PCDHB12: variants seen among roughly 807,000 people sequenced by gnomAD.
The protein encoded by PCDHB12 is protocadherin beta 12, also known as protocadherin beta-12.
For synonymous variants in PCDHB12, 560 were observed against 445.2 expected (o/e 1.26, Z -3.24); for missense variants, 1,192 against 998.2 (o/e 1.19, Z -2.62).
rs782293933 is a variant in PCDHB12, at chr5:141,210,191, C to A, written c.1284C>A (p.Thr428=). The A allele has an allele frequency of 6.1e-5, 98 of 1,614,018 alleles. No homozygotes were observed. Among genetic ancestry groups the A allele is most frequent in the South Asian group, 2.9e-4 (26 of 91,086 alleles). ...NITITVTDLG[T]PRLKTEHNIT... ...CCATCACCGTCACCGACTTGGGGAC[C>A]CCCAGGCTAAAAACCGAGCACAACA... The change falls in exon 1 of 1, where the codon ACC becomes ACA. Residue 428 remains threonine, a synonymous_variant. Transcript: ENST00000239450.
In PCDHB12 at chr5:141,210,038, C is replaced by T. The variant is rs370806858; in HGVS notation, c.1131C>T (p.Asp377=). Residue 377 remains aspartate (D), a synonymous_variant, in exon 1 of 1, where the codon GAC becomes GAT. Coordinates refer to ENST00000239450, the MANE Select transcript of PCDHB12 (RefSeq NM_018932.4). Reference sequence around the variant, plus strand: ...GGATACGAGACAGAGACTCTGGGGACAACGGAAAGATGGTTTGTTCTATCC... The same window carrying T: ...GGATACGAGACAGAGACTCTGGGGATAACGGAAAGATGGTTTGTTCTATCC... ...VFRIRDRDSG[D]NGKMVCSIPE... 6.9e-5 allele frequency: 111 copies of T among 1,614,060 alleles called. No individual in the cohort carries two copies. The highest frequency in any genetic ancestry group is 8.9e-5 in the Non-Finnish European group (105 of 1,180,044).
In PCDHB12 at chr5:141,210,360, C is replaced by G. The variant is rs1754416295; in HGVS notation, c.1453C>G (p.Gln485Glu). Residue 485 changes from glutamine (Q) to glutamate (E), a missense_variant, in exon 1 of 1, where the codon CAG becomes GAG. Physicochemically the swap from Gln to Glu is conservative, Grantham distance 29 (BLOSUM62 2). Coordinates refer to ENST00000239450, the MANE Select transcript of PCDHB12 (RefSeq NM_018932.4). Reference protein sequence around the residue: ...ATDRDSGTNAQVNYSLLPSQD... With the variant: ...ATDRDSGTNAEVNYSLLPSQD... ...AGACAGAGACTCGGGCACCAACGCC[C>G]AGGTCAACTACTCGCTGCTGCCGTC... 1.9e-6 allele frequency: 3 copies of G among 1,613,066 alleles called. No individual in the cohort carries two copies. The highest frequency in any genetic ancestry group is 1.7e-6 in the Non-Finnish European group (2 of 1,180,050).
At position 141,210,179 on chromosome 5, in the gene PCDHB12, C is replaced by A. The variant is rs148640772; in HGVS notation, c.1272C>A (p.Thr424=). 6.8e-5 allele frequency: 109 copies of A among 1,614,172 alleles called. No homozygotes were observed. The Admixed American group carries it at 1.8e-3, about 26-fold the overall frequency. The stretch of plus-strand genomic sequence containing the variant: ...AGTACAACATCACCATCACCGTCAC[C>A]GACTTGGGGACCCCCAGGCTAAAAA... The part of the protein sequence containing the change: ...RAEYNITITV[T]DLGTPRLKTE... Residue 424 remains threonine, a synonymous_variant, in exon 1 of 1, where the codon ACC becomes ACA. Transcript: ENST00000239450.
chr5:141,210,234 G>A lies in PCDHB12; in HGVS notation c.1327G>A (p.Asp443Asn), dbSNP rs782254141. 6.2e-7 allele frequency: 1 copy of A among 1,614,120 alleles called. No homozygotes were observed. The highest frequency in any genetic ancestry group is 2.2e-5 in the East Asian group (1 of 44,880). Residue 443 changes from aspartate (D) to asparagine (N), a missense_variant, in exon 1 of 1, where the codon GAC becomes AAC. By Grantham distance (23) the Asp-to-Asn change is conservative. Transcript: ENST00000239450. ...TEHNITVLVS[D>N]VNDNAPAFTQ... Reference sequence around the variant, plus strand: ...GCACAACATAACCGTGCTGGTCTCCGACGTCAATGACAACGCCCCCGCCTT... The same window carrying A: ...GCACAACATAACCGTGCTGGTCTCCAACGTCAATGACAACGCCCCCGCCTT...
Position 141,208,896 on chromosome 5 carries a change from G to A in PCDHB12, c.-12G>A, listed in dbSNP as rs782476854. ...TTCTGCAAGAAGATTTTGGGGTTTT[G>A]GAAAAGAAGCTATGGAAAACGGAGG... On this transcript the variant is annotated 5_prime_UTR_variant, in exon 1 of 1. Transcript: ENST00000239450. The A allele has an allele frequency of 2.0e-6, 3 of 1,513,998 alleles. No individual in the cohort carries two copies. Among genetic ancestry groups the A allele is most frequent in the Non-Finnish European group, 2.6e-6 (3 of 1,134,300 alleles). 93.8% of individuals were successfully genotyped at this position (1,513,998 alleles called of 1,614,324 possible).
chr5:141,210,611 C>G lies in PCDHB12; in HGVS notation c.1704C>G (p.Gly568=). The change falls in exon 1 of 1, where the codon GGC becomes GGG. Residue 568 remains glycine, a synonymous_variant. Coordinates refer to ENST00000239450, the MANE Select transcript of PCDHB12 (RefSeq NM_018932.4). Reference sequence around the variant, plus strand: ...TCGTGCTGTACCCGCTGCAGAACGGCTCCGCGCCCTGCACCGAGCTGGTGC... The same window carrying G: ...TCGTGCTGTACCCGCTGCAGAACGGGTCCGCGCCCTGCACCGAGCTGGTGC... ...SPFVLYPLQN[G]SAPCTELVPW... The G allele has an allele frequency of 6.2e-7, 1 of 1,611,376 alleles. No homozygotes were observed. The highest frequency in any genetic ancestry group is 8.5e-7 in the Non-Finnish European group (1 of 1,179,732).
Position 141,209,075 on chromosome 5 carries a change from G to C in PCDHB12, c.168G>C (p.Val56=). 5 of 1,613,156 alleles carry C rather than the reference G, an allele frequency of 3.1e-6. No individual in the cohort carries two copies. Among genetic ancestry groups the C allele is most frequent in the Non-Finnish European group, 4.2e-6 (5 of 1,179,248 alleles). The stretch of plus-strand genomic sequence containing the variant: ...TGGCAAAGACCCTGGGACTCGAGGT[G>C]AGTGAGCTGTCTTCGCGGGGGGCTC... The part of the protein sequence containing the change: ...GNLAKTLGLE[V]SELSSRGARV... Residue 56 remains valine, a synonymous_variant, in exon 1 of 1, where the codon GTG becomes GTC. Transcript: ENST00000239450.
Position 141,209,141 on chromosome 5 carries a change from C to T in PCDHB12, c.234C>T (p.Asp78=), listed in dbSNP as rs782427757. The change falls in exon 1 of 1, where the codon GAC becomes GAT. Residue 78 remains aspartate, a synonymous_variant. Transcript: ENST00000239450. ...ATAACAAAGAGTGTTTGCAGCTGGA[C>T]ACAAACACTGGGGATTTGCTCCTGA... ...SNDNKECLQL[D]TNTGDLLLRE... 6 of 1,614,108 alleles carry T rather than the reference C, an allele frequency of 3.7e-6. No homozygotes were observed. In the East Asian group the frequency reaches 1.3e-4, roughly 36 times the overall value.
In PCDHB12 at chr5:141,212,029, A is replaced by G. The variant is rs1754473088; in HGVS notation, c.*734A>G. The stretch of plus-strand genomic sequence containing the variant: ...TTTATCTATGATTTCATTTTCTTAT[A>G]AACCAGTAATCTTGCTTTTCTGGGT... On this transcript the variant is annotated 3_prime_UTR_variant, in exon 1 of 1. Transcript: ENST00000239450. 1 of 167,084 alleles carries G rather than the reference A, an allele frequency of 6.0e-6. No individual in the cohort carries two copies. Among genetic ancestry groups the G allele is most frequent in the African/African-American group, 2.4e-5 (1 of 41,448 alleles). The allele number at this position is 167,084 out of a possible 1,614,324, so 10.4% of individuals were successfully genotyped here. A position where few individuals can be genotyped will look rare whatever the true frequency, so the allele number is the denominator to read the frequency against.
chr5:141,211,133 C>T lies in PCDHB12; in HGVS notation c.2226C>T (p.Thr742=), dbSNP rs782230415. 74 of 1,614,168 alleles carry T rather than the reference C, an allele frequency of 4.6e-5. No homozygotes were observed. Among genetic ancestry groups the T allele is most frequent in the Non-Finnish European group, 6.2e-5 (73 of 1,180,024 alleles). The part of the protein sequence containing the change: ...FPGHLVDVSG[T]GTLSQSYHYE... ...GACATCTGGTGGACGTGAGTGGCACCGGGACCCTGTCCCAGAGCTACCACT... is the reference window on the plus strand; with the variant it reads ...GACATCTGGTGGACGTGAGTGGCACTGGGACCCTGTCCCAGAGCTACCACT... Residue 742 remains threonine, a synonymous_variant, in exon 1 of 1, where the codon ACC becomes ACT. Coordinates refer to ENST00000239450, the MANE Select transcript of PCDHB12 (RefSeq NM_018932.4).
At position 141,212,449 on chromosome 5, in the gene PCDHB12, A is replaced by G. The variant is rs1754480793; in HGVS notation, c.*1154A>G. The G allele has an allele frequency of 6.6e-6, 1 of 152,328 alleles. No homozygotes were observed. The highest frequency in any genetic ancestry group is 1.5e-5 in the Non-Finnish European group (1 of 67,982). 9.4% of individuals were successfully genotyped at this position (152,328 alleles called of 1,614,324 possible). A position where few individuals can be genotyped will look rare whatever the true frequency, so the allele number is the denominator to read the frequency against. The stretch of plus-strand genomic sequence containing the variant: ...TAGAAATTTTGGGGAGTTAAGGAGA[A>G]GCATTGTTTGTTAAAAATATATAAC... On this transcript the variant is annotated 3_prime_UTR_variant, in exon 1 of 1. Transcript: ENST00000239450.
At position 141,209,426 on chromosome 5, in the gene PCDHB12, T is replaced by C. The variant is rs1281153429; in HGVS notation, c.519T>C (p.Asn173=). The change falls in exon 1 of 1, where the codon AAT becomes AAC. Residue 173 remains asparagine (N), a synonymous_variant. Coordinates refer to ENST00000239450, the MANE Select transcript of PCDHB12 (RefSeq NM_018932.4). ...ATGCTGTAAAAAGCTACACAATAAATCCGAACTCTCATTTCCACGTTAAAA... is the reference window on the plus strand; with the variant it reads ...ATGCTGTAAAAAGCTACACAATAAACCCGAACTCTCATTTCCACGTTAAAA... ...GINAVKSYTI[N]PNSHFHVKIR... 2 of 1,614,030 alleles carry C rather than the reference T, an allele frequency of 1.2e-6. No individual in the cohort carries two copies. The highest frequency in any genetic ancestry group is 8.5e-7 in the Non-Finnish European group (1 of 1,180,032).
In PCDHB12 at chr5:141,209,639, G is replaced by C; in HGVS notation, c.732G>C (p.Gln244His). Residue 244 changes from glutamine to histidine, a missense_variant, in exon 1 of 1, where the codon CAG becomes CAC. By Grantham distance (24) the Gln-to-His change is conservative. Coordinates refer to ENST00000239450, the MANE Select transcript of PCDHB12 (RefSeq NM_018932.4). ...ATGACAACTCCCCTGAGTTTGAGCA[G>C]GCTTTTTATGAGGTGAAGATTCTGG... ...DINDNSPEFE[Q>H]AFYEVKILEN... 6.2e-7 allele frequency: 1 copy of C among 1,614,190 alleles called. No homozygotes were observed. The highest frequency in any genetic ancestry group is 8.5e-7 in the Non-Finnish European group (1 of 1,180,034).
chr5:141,209,428 C>T lies in PCDHB12; in HGVS notation c.521C>T (p.Pro174Leu), dbSNP rs1232575709. ...INAVKSYTIN[P>L]NSHFHVKIRV... ...GCTGTAAAAAGCTACACAATAAATC[C>T]GAACTCTCATTTCCACGTTAAAATA... Residue 174 changes from proline (P) to leucine (L), a missense_variant, in exon 1 of 1, where the codon CCG becomes CTG. Transcript: ENST00000239450. The T allele has an allele frequency of 8.1e-6, 13 of 1,613,996 alleles. No homozygotes were observed. In the African/African-American group the frequency reaches 9.3e-5, roughly 12 times the overall value.
rs61738374 is a variant in PCDHB12, at chr5:141,211,156, A to G, written c.2249A>G (p.His750Arg). 5.1e-4 allele frequency: 827 copies of G among 1,614,156 alleles called. 2 individuals are homozygous for G. The African/African-American group carries it at 9.4e-3, about 18-fold the overall frequency. ...SGTGTLSQSY[H>R]YEVCVTGGSR... Reference sequence around the variant, plus strand: ...ACCGGGACCCTGTCCCAGAGCTACCACTATGAGGTGTGTGTGACTGGAGGC... The same window carrying G: ...ACCGGGACCCTGTCCCAGAGCTACCGCTATGAGGTGTGTGTGACTGGAGGC... The change falls in exon 1 of 1, where the codon CAC becomes CGC. Residue 750 changes from histidine (H) to arginine (R), a missense_variant. By Grantham distance (29) the His-to-Arg change is conservative. Coordinates refer to ENST00000239450, the MANE Select transcript of PCDHB12 (RefSeq NM_018932.4).
Position 141,210,066 on chromosome 5 carries a change from G to A in PCDHB12, c.1159G>A (p.Glu387Lys). 1 of 1,614,160 alleles carries A rather than the reference G, an allele frequency of 6.2e-7. No homozygotes were observed. Among genetic ancestry groups the A allele is most frequent in the Non-Finnish European group, 8.5e-7 (1 of 1,180,040 alleles). The change falls in exon 1 of 1, where the codon GAG becomes AAG. Residue 387 changes from glutamate (E) to lysine (K), a missense_variant. By Grantham distance (56) the Glu-to-Lys change is moderately conservative (BLOSUM62 1). Transcript: ENST00000239450. Reference protein sequence around the residue: ...DNGKMVCSIPEDIPFVLKSSV... With the variant: ...DNGKMVCSIPKDIPFVLKSSV... ...CGGAAAGATGGTTTGTTCTATCCCG[G>A]AGGACATCCCATTCGTGCTAAAATC...
In PCDHB12 at chr5:141,212,278, C is replaced by T. The variant is rs1554287330; in HGVS notation, c.*983C>T. The T allele has an allele frequency of 6.2e-6, 1 of 161,716 alleles. No individual in the cohort carries two copies. The highest frequency in any genetic ancestry group is 2.4e-5 in the African/African-American group (1 of 41,406). The allele number at this position is 161,716 out of a possible 1,614,324, so 10.0% of individuals were successfully genotyped here. On this transcript the variant is annotated 3_prime_UTR_variant, in exon 1 of 1. Coordinates refer to ENST00000239450, the MANE Select transcript of PCDHB12 (RefSeq NM_018932.4). The stretch of plus-strand genomic sequence containing the variant: ...ATATTTCCAGAGTCACCCATGCTTA[C>T]ATTTGTAATATATTTTCCTGATTTG...
rs1405506335 is a variant in PCDHB12, at chr5:141,211,519, A to T, written c.*224A>T. The T allele has an allele frequency of 6.1e-5, 38 of 623,498 alleles. No homozygotes were observed. Among genetic ancestry groups the T allele is most frequent in the Non-Finnish European group, 9.5e-5 (33 of 346,180 alleles). The allele number at this position is 623,498 out of a possible 1,614,324, so 38.6% of individuals were successfully genotyped here. ...TTTATGTCAAACAATTATGCTTAAT[A>T]TAAAGTCTATTAAGTGGTAAGTCTT... On this transcript the variant is annotated 3_prime_UTR_variant, in exon 1 of 1. Coordinates refer to ENST00000239450, the MANE Select transcript of PCDHB12 (RefSeq NM_018932.4).
chr5:141,209,285 A>G lies in PCDHB12; in HGVS notation c.378A>G (p.Ile126Met). The G allele has an allele frequency of 6.2e-7, 1 of 1,614,186 alleles. No homozygotes were observed. Among genetic ancestry groups the G allele is most frequent in the Non-Finnish European group, 8.5e-7 (1 of 1,180,038 alleles). The change falls in exon 1 of 1, where the codon ATA becomes ATG. Residue 126 changes from isoleucine (I) to methionine (M), a missense_variant. By Grantham distance (10) the Ile-to-Met change is conservative (BLOSUM62 1). Transcript: ENST00000239450. ...AAATTGAGCTCCAGGTCAGGGATAT[A>G]AATGATCACTCTCCCGTCTTCTTGG... Reference protein sequence around the residue: ...FLQIELQVRDINDHSPVFLEK... With the variant: ...FLQIELQVRDMNDHSPVFLEK...
Sources: allele counts gnomAD v4.1 joint callset, GRCh38; gene constraint gnomAD v4.1.1; transcripts MANE v1.5; gene names NCBI Gene and HGNC (gene_info 2026-07-23, HGNC 2026-07-21).